SDAD1: variants seen among roughly 807,000 people sequenced by gnomAD.
The protein encoded by SDAD1 is SDA1 domain containing 1, also known as protein SDA1 homolog.
A neutral mutation model predicts 100.3 loss-of-function variants in SDAD1; 79 were observed. That is an observed-to-expected ratio of 0.79 (90% confidence interval 0.66 to 0.95). The LOEUF (loss-of-function observed/expected upper bound fraction) is 0.95. Among genes scored for constraint, SDAD1 ranks in the 40% least tolerant of loss-of-function variants. The pLI is 0.00. For synonymous variants in SDAD1, 267 were observed against 271.4 expected, an observed-to-expected ratio of 0.98 and a Z score of 0.16; for missense variants, 790 against 810.9, an observed-to-expected ratio of 0.97 and a Z score of 0.31.
At chr4:75,990,465 T>G (rs1731186668) in intron 1 of SDAD1, among the ~76,000 whole-genome samples, 1 of 152,156 alleles carries the variant, frequency 6.6e-6, no homozygotes, top group Non-Finnish European at 1.5e-5. Flanking sequence ...TCTCTCCACT[T>G]CCGTGCGGAC....
At chr4:75,972,335 A>G (rs1049122550) in intron 8 of SDAD1, among the ~76,000 whole-genome samples, 5 of 151,202 alleles carry the variant, frequency 3.3e-5, no homozygotes, top group African/African-American at 1.2e-4. Context: ...AAACCTTGCT[A>G]CTGCTCACTC....
At chr4:75,986,837 C>A (rs893212639) in intron 1 of SDAD1, among the ~76,000 whole-genome samples, 2 of 152,118 alleles carry the variant, frequency 1.3e-5, no homozygotes. Flanking sequence ...CCAGCCTGGG[C>A]AACTAGCAAG....
At chr4:75,967,192 G>T in intron 12 of SDAD1, 85 bp downstream of exon 12, 1 of 1,298,388 alleles carries the variant, frequency 7.7e-7, no homozygotes, top group African/African-American at 1.5e-5. Context: ...CTGCACTCCT[G>T]TCTTTAGTGA....
chr4:75,972,336 C>A (rs1487510231), intron 8 of SDAD1, among the ~76,000 whole-genome samples: 1 of 151,558 alleles, frequency 6.6e-6, no homozygotes, highest in East Asian at 1.9e-4. Context: ...AACCTTGCTA[C>A]TGCTCACTCT....
At chr4:75,954,757 C>T (rs1001137155) in intron 21 of SDAD1, among the ~76,000 whole-genome samples, 2 of 152,134 alleles carry the variant, frequency 1.3e-5, no homozygotes, top group African/African-American at 2.4e-5. Flanking sequence ...AGCCTATGAA[C>T]GGACGTGCAG....
intron 3 of SDAD1, chr4:75,980,687 T>C (rs933878639): frequency 6.6e-5 from 10 of 152,502 alleles, no homozygotes; most frequent in Admixed American, 5.2e-4. Context: ...ACATCCTGCA[T>C]TGGAGTCAGA....
intron 7 of SDAD1, among the ~76,000 whole-genome samples, chr4:75,973,763 T>TA (rs1482587456): frequency 1.3e-5 from 2 of 152,122 alleles, no homozygotes; most frequent in East Asian, 1.9e-4. Flanking sequence ...GAGAAAACAG[T>TA]AAAAAACCAC....
Position 75,964,210 on chromosome 4 carries a change from A to T in SDAD1, c.1106T>A (p.Ile369Asn). 1 of 1,603,414 alleles carries T rather than the reference A, an allele frequency of 6.2e-7. No homozygotes were observed. The highest frequency in any genetic ancestry group is 8.5e-7 in the Non-Finnish European group (1 of 1,174,364). ...QASHHLVPPE[I>N]IQSLLMTVAN... The stretch of plus-strand genomic sequence containing the variant: ...CACAGTCATAAGCAATGATTGAATA[A>T]TCTGAATTGGAAACAAAAAAGAGAT... The change falls in exon 14 of 22, where the codon ATT becomes AAT. Residue 369 changes from isoleucine (I) to asparagine (N), a missense_variant and splice_region_variant. Coordinates refer to ENST00000356260, the MANE Select transcript of SDAD1 (RefSeq NM_018115.4).
At position 75,973,349 on chromosome 4, in the gene SDAD1, C is replaced by G. The variant is rs762742267; in HGVS notation, c.679G>C (p.Asp227His). 6.2e-7 allele frequency: 1 copy of G among 1,613,700 alleles called. No individual in the cohort carries two copies. Among genetic ancestry groups the G allele is most frequent in the East Asian group, 2.2e-5 (1 of 44,786 alleles). ...ALTFFLGKDE[D>H]EKQDSDSESE... ...TCGGAGTCACTGTCCTGTTTTTCAT[C>G]TTCATCTTTCCCAAGAAAGAATGTC... The change falls in exon 8 of 22, where the codon GAT becomes CAT. Residue 227 changes from aspartate to histidine, a missense_variant. Transcript: ENST00000356260.
Position 75,977,687 on chromosome 4 carries a change from AGAG to A in SDAD1, c.361_363del (p.Leu121del), listed in dbSNP as rs764709278. On this transcript the variant is annotated inframe_deletion, in exon 4 of 22. Coordinates refer to ENST00000356260, the MANE Select transcript of SDAD1 (RefSeq NM_018115.4). ...TCATGGCAACGAAAAAGTTCAAAGA[AGAG>A]TTCTAGCAGGCTTGATGGATTGATG... 21 of 1,613,448 alleles carry A rather than the reference AGAG, an allele frequency of 1.3e-5. No individual in the cohort carries two copies. In the African/African-American group the frequency reaches 2.3e-4, roughly 17 times the overall value.
Position 75,957,985 on chromosome 4 carries a change from C to T in SDAD1, c.1484-44G>A, listed in dbSNP as rs190686641. On this transcript the variant is annotated intron_variant, in intron 17 of 21. Coordinates refer to ENST00000356260, the MANE Select transcript of SDAD1 (RefSeq NM_018115.4). ...CCCACTACTGCCATTTTATGTTGCA[C>T]ATTCAACATAAAGTTGAGATGAAGC... The T allele has an allele frequency of 7.1e-5, 104 of 1,468,644 alleles. No homozygotes were observed. In the Admixed American group the frequency reaches 1.7e-3, roughly 24 times the overall value. 91.0% of individuals were successfully genotyped at this position (1,468,644 alleles called of 1,614,324 possible).
chr4:75,961,427 T>C, intron 14 of SDAD1, 119 bp from the exon 15 acceptor site: 1 of 703,414 alleles, frequency 1.4e-6, no homozygotes, highest in Non-Finnish European at 2.4e-6. Context: ...TTTATATAGC[T>C]TAGGTCTCCA....
intron 3 of SDAD1, among the ~76,000 whole-genome samples, chr4:75,979,825 T>A (rs1417634031): frequency 6.6e-6 from 1 of 152,050 alleles, no homozygotes; most frequent in Non-Finnish European, 1.5e-5. Context: ...CATACACATT[T>A]TTTTCCATTT....
chr4:75,984,778 A>AACACACACACACACACACACACAC lies in SDAD1; in HGVS notation c.91-2765_91-2742dup, dbSNP rs35320227. 3.8e-3 allele frequency among the ~76,000 whole-genome samples: 524 copies of AACACACACACACACACACACACAC among 136,990 alleles called. 8 individuals carry two copies. Among genetic ancestry groups the AACACACACACACACACACACACAC allele is most frequent in the Middle Eastern group, 0.011 (3 of 268 alleles). The allele number at this position is 136,990 out of a possible 152,430, so 89.9% of individuals were successfully genotyped here. On this transcript the variant is annotated intron_variant, in intron 1 of 21. Transcript: ENST00000356260. ...TATGTGACATACACACACACACACA[A>AACACACACACACACACACACACAC]ACACACACACACACACACACACACA...
intron 17 of SDAD1, among the ~76,000 whole-genome samples, chr4:75,959,152 G>C (rs1031341295): frequency 3.4e-5 from 5 of 145,586 alleles, no homozygotes; most frequent in Admixed American, 6.9e-5. Flanking sequence ...TTCCGAGGTG[G>C]ACCTGACTGC....
rs746135312 is a variant in SDAD1 at position 75,990,816 on chromosome 4, A to T, written c.26T>A (p.Leu9His). Residue 9 changes from leucine to histidine, a missense_variant, in exon 1 of 22, where the codon CTT becomes CAT. Physicochemically the swap from Leu to His is moderately conservative, Grantham distance 99. Transcript: ENST00000356260. Reference sequence around the variant, plus strand: ...CTGTAACTGCGGCAGGTTGCTGGGAAGCTTGTTGTTGTTTCTGTTGGACAT... The same window carrying T: ...CTGTAACTGCGGCAGGTTGCTGGGATGCTTGTTGTTGTTTCTGTTGGACAT... MSNRNNNK[L>H]PSNLPQLQNL... 3 of 1,614,082 alleles carry T rather than the reference A, an allele frequency of 1.9e-6. No individual in the cohort carries two copies. The highest frequency in any genetic ancestry group is 3.3e-5 in the Admixed American group (2 of 60,028).
intron 1 of SDAD1, among the ~76,000 whole-genome samples, chr4:75,985,736 C>A (rs1275703455): frequency 6.6e-6 from 1 of 152,164 alleles, no homozygotes; most frequent in African/African-American, 2.4e-5. Flanking sequence ...CTTCCATGGT[C>A]ACACCCTAAA....
intron 3 of SDAD1, 77 bp from the exon 4 acceptor site, chr4:75,977,833 G>A (rs1730243816): frequency 1.2e-6 from 1 of 831,982 alleles, no homozygotes; most frequent in African/African-American, 1.7e-5. Context: ...TATGTCCCAA[G>A]ACCTTAATGT....
intron 8 of SDAD1, 83 bp from the exon 9 acceptor site, chr4:75,971,541 G>A (rs776302545): frequency 1.3e-5 from 13 of 966,648 alleles, no homozygotes; most frequent in South Asian, 4.1e-5. Context: ...CCACTTCTTC[G>A]TTCTTATACT....
Sources: allele counts gnomAD v4.1 joint callset (sites outside exome capture counted in the v4.1 genomes callset), GRCh38; gene constraint gnomAD v4.1.1; transcripts MANE v1.5; gene names NCBI Gene and HGNC (gene_info 2026-07-23, HGNC 2026-07-21).